Variants in CCNB3 observed in about 807,000 individuals in gnomAD.
CCNB3 encodes the protein cyclin B3.
CCNB3 carries 12 observed loss-of-function variants against 68.0 expected under a neutral mutation model. The ratio of observed to expected loss-of-function variants is 0.18; its 90% confidence interval spans 0.11 to 0.29. The LOEUF is 0.29. Ranked by LOEUF, CCNB3 falls within the 10% of genes least tolerant of loss-of-function variation. CCNB3 has a pLI of 1.00. For missense variants in CCNB3, 904 were observed against 993.1 expected (o/e 0.91, Z 1.21); for synonymous variants, 354 against 388.9 (o/e 0.91, Z 1.06).
intron 5 of CCNB3, among the ~76,000 whole-genome samples, chrX:50,305,494 G>A (rs1178608757): frequency 4.5e-5 from 5 of 110,558 alleles, no homozygotes; most frequent in Non-Finnish European, 9.4e-5. Flanking sequence ...ATCACACACC[G>A]GGGACTGTTG....
intron 8 of CCNB3, among the ~76,000 whole-genome samples, chrX:50,327,690 CGTG>C (rs1569543269): frequency 1.8e-5 from 2 of 112,017 alleles, no homozygotes; most frequent in Non-Finnish European, 3.8e-5. Context: ...TGATACTTAA[CGTG>C]GTAGTCATTA....
intron 1 of CCNB3, among the ~76,000 whole-genome samples, chrX:50,279,540 T>G (rs1365156729): frequency 2.4e-5 from 2 of 84,570 alleles, no homozygotes; most frequent in African/African-American, 8.8e-5. Flanking sequence ...TGAATATATA[T>G]TCATATATAT....
intron 8 of CCNB3, among the ~76,000 whole-genome samples, chrX:50,321,131 A>G (rs1189079302): frequency 8.9e-6 from 1 of 111,767 alleles, no homozygotes; most frequent in Non-Finnish European, 1.9e-5. Flanking sequence ...CACATGAAAA[A>G]TTTTTGTACA....
Position 50,226,924 on chromosome X carries a change from AATATATATAGTATATATATAGAAT to A in CCNB3, c.-113+21982_-113+22005del, listed in dbSNP as rs1935850522. ...TATAGAATATATAGTATATATATAG[AATATATATAGTATATATATAGAAT>A]ATATATAGTATATATATAGAATATA... On this transcript the variant is annotated intron_variant, in intron 1 of 12. Transcript: ENST00000376042. Among the ~76,000 whole-genome samples the A allele has an allele frequency of 9.1e-5, 6 of 66,265 alleles. 1 individual carries two copies. The highest frequency in any genetic ancestry group is 5.1e-4 in the African/African-American group (6 of 11,837). 57.5% of individuals were successfully genotyped at this position (66,265 alleles called of 115,157 possible). A position where few individuals can be genotyped will look rare whatever the true frequency, so the allele number is the denominator to read the frequency against.
chrX:50,280,758 G>A (rs1241988867), intron 1 of CCNB3, among the ~76,000 whole-genome samples: 2 of 110,133 alleles, frequency 1.8e-5, no homozygotes, highest in East Asian at 5.6e-4. Flanking sequence ...ATGAAAACGC[G>A]TCTTTTATTT....
intron 9 of CCNB3, among the ~76,000 whole-genome samples, chrX:50,344,008 A>G (rs917538972): frequency 8.9e-6 from 1 of 112,299 alleles, no homozygotes; most frequent in East Asian, 2.8e-4. Context: ...TTCTACTCCC[A>G]CAAGCTCCAT....
intron 1 of CCNB3, among the ~76,000 whole-genome samples, chrX:50,212,059 A>G (rs1314715311): frequency 9.0e-6 from 1 of 111,728 alleles, no homozygotes; most frequent in East Asian, 2.8e-4. Context: ...ACTCAATCAT[A>G]TGTGTCTTCT....
chrX:50,279,191 CTATA>C (rs1936020314), intron 1 of CCNB3, among the ~76,000 whole-genome samples: 2,076 of 15,828 alleles, frequency 0.13, 127 homozygotes, highest in African/African-American at 0.27. Context: ...AATATATTCT[CTATA>C]TATAAATATA....
intron 3 of CCNB3, 31 bp downstream of exon 3, chrX:50,285,290 CT>C: frequency 9.6e-7 from 1 of 1,045,355 alleles, no homozygotes; most frequent in East Asian, 3.0e-5. Flanking sequence ...CCAACAATAT[CT>C]TTGGTAGTCT....
intron 8 of CCNB3, among the ~76,000 whole-genome samples, chrX:50,333,977 C>T (rs1423989518): frequency 3.6e-5 from 4 of 111,770 alleles, no homozygotes; most frequent in African/African-American, 1.3e-4. Context: ...TATAATGTTC[C>T]ATGCACTTGG....
At chrX:50,319,750 A>AGGTTGT (rs1921920101) in intron 8 of CCNB3, among the ~76,000 whole-genome samples, 1 of 111,737 alleles carries the variant, frequency 8.9e-6, no homozygotes, top group Non-Finnish European at 1.9e-5. Flanking sequence ...GATTTTTGTA[A>AGGTTGT]ACACCTTTGA....
chrX:50,227,292 A>G (rs1253182185), intron 1 of CCNB3, among the ~76,000 whole-genome samples: 5 of 78,980 alleles, frequency 6.3e-5, no homozygotes, highest in African/African-American at 1.9e-4. Flanking sequence ...AAATACATGT[A>G]CAGAATATAT....
intron 5 of CCNB3, among the ~76,000 whole-genome samples, chrX:50,308,093 C>T (rs1432326051): frequency 8.9e-6 from 1 of 112,125 alleles, no homozygotes; most frequent in East Asian, 2.8e-4. Context: ...CTCTCATTAG[C>T]CTTCAAACAA....
chrX:50,328,186 T>G (rs1376443362), intron 8 of CCNB3, among the ~76,000 whole-genome samples: 1 of 112,779 alleles, frequency 8.9e-6, no homozygotes, highest in African/African-American at 3.2e-5. Context: ...AGAATTGGTG[T>G]TGTTGTAAGG....
chrX:50,222,035 T>G (rs919815112), intron 1 of CCNB3, among the ~76,000 whole-genome samples: 231 of 109,391 alleles, frequency 2.1e-3, no homozygotes, highest in African/African-American at 6.6e-3. Context: ...CCCTTCTTTG[T>G]TTTTTTTTGA....
chrX:50,323,199 G>GA (rs1166830300), intron 8 of CCNB3, among the ~76,000 whole-genome samples: 1 of 111,427 alleles, frequency 9.0e-6, no homozygotes, highest in Non-Finnish European at 1.9e-5. Context: ...ACTGGATTAA[G>GA]AAAATGTGGC....
At chrX:50,330,541 C>T (rs1602240742) in intron 8 of CCNB3, among the ~76,000 whole-genome samples, 1 of 111,990 alleles carries the variant, frequency 8.9e-6, no homozygotes, top group East Asian at 2.8e-4. Context: ...CAAGACAGAT[C>T]GATAGTGATT....
chrX:50,206,362 A>G (rs181235223), intron 1 of CCNB3, among the ~76,000 whole-genome samples: 1 of 111,634 alleles, frequency 9.0e-6, no homozygotes, highest in African/African-American at 3.3e-5. Flanking sequence ...GCTTGAGGGC[A>G]GGACTTTGAG....
chrX:50,224,839 C>T (rs1449484272), intron 1 of CCNB3, among the ~76,000 whole-genome samples: 4 of 111,397 alleles, frequency 3.6e-5, no homozygotes, highest in African/African-American at 1.3e-4. Context: ...TGTTTAAATT[C>T]CAGTCTGATC....
Sources: allele counts gnomAD v4.1 joint callset (sites outside exome capture counted in the v4.1 genomes callset), GRCh38; gene constraint gnomAD v4.1.1; transcripts MANE v1.5; gene names NCBI Gene and HGNC (gene_info 2026-07-23, HGNC 2026-07-21).